The following ZNF468 variants were observed in gnomAD, a reference collection of about 807,000 sequenced individuals.
ZNF468 encodes the protein zinc finger protein 468.
A neutral mutation model predicts 7.2 loss-of-function variants in ZNF468; 8 were observed. The ratio of observed to expected loss-of-function variants is 1.11; its 90% CI spans 0.65 to 2.01. The LOEUF (loss-of-function observed/expected upper bound fraction) is 2.01. Ranked by LOEUF, ZNF468 falls within the 30% of genes most tolerant of loss-of-function variation. The pLI, the probability that ZNF468 is intolerant of heterozygous loss-of-function variation, is 0.00. For missense variants in ZNF468, 608 were observed against 626.5 expected (o/e 0.97, Z 0.31); for synonymous variants, 218 against 214.4 (o/e 1.02, Z -0.15).
rs758081536 is a variant in ZNF468 at position 52,841,158 on chromosome 19, C to T, written c.1136G>A (p.Gly379Glu). The T allele has an allele frequency of 2.5e-6, 4 of 1,613,372 alleles. No homozygotes were observed. In the South Asian group the frequency reaches 3.3e-5, roughly 13 times the overall value. ...TLARHHRLHTGEKPYKCEECD... is the reference protein window; with the variant it reads ...TLARHHRLHTEEKPYKCEECD... ...CTCTTCACATTTGTAAGGTTTCTCT[C>T]CAGTATGAAGTCTATGATGGCGTGC... The change falls in exon 4 of 4, where the codon GGA becomes GAA. Residue 379 changes from glycine to glutamate, a missense_variant. Gly to Glu is a moderately conservative substitution (Grantham distance 98). Transcript: ENST00000595646.
At chr19:52,852,772 C>T (rs567219719) in intron 2 of ZNF468, among the ~76,000 whole-genome samples, 3 of 152,096 alleles carry the variant, frequency 2.0e-5, no homozygotes, top group South Asian at 4.2e-4. Flanking sequence ...ACTCCAATGA[C>T]GTGAGTTTAC....
intron 2 of ZNF468, among the ~76,000 whole-genome samples, chr19:52,852,607 C>T (rs1222468737): frequency 6.6e-6 from 1 of 150,534 alleles, no homozygotes; most frequent in Admixed American, 6.6e-5. Context: ...ACCCAAGAGG[C>T]GGATGTTGCA....
At chr19:52,846,077 C>A (rs148873077) in intron 3 of ZNF468, among the ~76,000 whole-genome samples, 1 of 152,060 alleles carries the variant, frequency 6.6e-6, no homozygotes, top group Non-Finnish European at 1.5e-5. Flanking sequence ...TTCTTCATAA[C>A]TAAACTTTTT....
chr19:52,854,147 G>A (rs773399350), intron 2 of ZNF468, 111 bp downstream of exon 2: 10 of 1,599,324 alleles, frequency 6.3e-6, no homozygotes, highest in Non-Finnish European at 8.5e-6. Flanking sequence ...GCATAAGTGA[G>A]GGTGAGCAAA....
At chr19:52,853,057 A>G (rs1473639277) in intron 2 of ZNF468, among the ~76,000 whole-genome samples, 1 of 151,934 alleles carries the variant, frequency 6.6e-6, no homozygotes, top group Non-Finnish European at 1.5e-5. Context: ...GGGTTTCACC[A>G]TGTTAGCCAG....
In ZNF468 at chr19:52,840,742, T is replaced by C. The variant is rs1383805235; in HGVS notation, c.1552A>G (p.Ser518Gly). ...TTACACTATTAAGGCTTCTCTCCAC[T>C]ATGAAGCCTATGATGGTATACAAGG... The part of the protein sequence containing the change: ...SSLVYHHRLH[S>G]GEKP The change falls in exon 4 of 4, where the codon AGT (serine) becomes GGT (glycine). Residue 518 changes from serine (S) to glycine (G), a missense_variant. Physicochemically the swap from Ser to Gly is moderately conservative, Grantham distance 56. Transcript: ENST00000595646. 1 of 1,614,014 alleles carries C rather than the reference T, an allele frequency of 6.2e-7. No individual in the cohort carries two copies.
intron 1 of ZNF468, among the ~76,000 whole-genome samples, chr19:52,855,895 A>G (rs1258465608): frequency 6.6e-6 from 1 of 152,254 alleles, no homozygotes; most frequent in African/African-American, 2.4e-5. Flanking sequence ...TCAGAGCTGG[A>G]AACATTTTCA....
chr19:52,848,141 A>G (rs2063355462), intron 3 of ZNF468, among the ~76,000 whole-genome samples: 2 of 152,182 alleles, frequency 1.3e-5, no homozygotes, highest in African/African-American at 4.8e-5. Flanking sequence ...TGAAGGTGGA[A>G]CTTCCACTCT....
rs146755405 is a variant in ZNF468, at chr19:52,841,782, G to A, written c.512C>T (p.Ala171Val). The change falls in exon 4 of 4, where the codon GCT (alanine) becomes GTT (valine). Residue 171 changes from alanine (A) to valine (V), a missense_variant. By Grantham distance (64) the Ala-to-Val change is moderately conservative. Transcript: ENST00000595646. Reference protein sequence around the residue: ...GNQVEKSINNASSVSTSQRIC... With the variant: ...GNQVEKSINNVSSVSTSQRIC... The stretch of plus-strand genomic sequence containing the variant: ...TCTTTGGGATGTTGAAACTGAGGAA[G>A]CATTGTTGATAGACTTCTCAACTTG... 1 of 1,613,970 alleles carries A rather than the reference G, an allele frequency of 6.2e-7. No homozygotes were observed. Among genetic ancestry groups the A allele is most frequent in the African/African-American group, 1.3e-5 (1 of 74,900 alleles).
chr19:52,856,982 G>C (rs1343551874), intron 1 of ZNF468, among the ~76,000 whole-genome samples: 2 of 152,100 alleles, frequency 1.3e-5, no homozygotes, highest in African/African-American at 2.4e-5. Flanking sequence ...TTTTCCAAGT[G>C]CTGGAGCTGG....
In ZNF468 at chr19:52,841,576, C is replaced by T; in HGVS notation, c.718G>A (p.Glu240Lys). The T allele has an allele frequency of 6.2e-7, 1 of 1,614,060 alleles. No homozygotes were observed. Among genetic ancestry groups the T allele is most frequent in the Non-Finnish European group, 8.5e-7 (1 of 1,180,014 alleles). Residue 240 changes from glutamate to lysine, a missense_variant, in exon 4 of 4, where the codon GAG becomes AAG. Physicochemically the swap from Glu to Lys is moderately conservative, Grantham distance 56 (BLOSUM62 1). Transcript: ENST00000595646. ...LKKHQIIHLEEKQCKCDVCGK... is the reference protein window; with the variant it reads ...LKKHQIIHLEKKQCKCDVCGK... Reference sequence around the variant, plus strand: ...CATACATCACATTTACATTGTTTCTCTTCTAAGTGAATTATCTGATGTTTT... The same window carrying T: ...CATACATCACATTTACATTGTTTCTTTTCTAAGTGAATTATCTGATGTTTT...
chr19:52,840,517 T>G lies in ZNF468; in HGVS notation c.*208A>C. On this transcript the variant is annotated 3_prime_UTR_variant, in exon 4 of 4. Transcript: ENST00000595646. ...TGAATTTTCTTATGTGTTTTAAGGT[T>G]TGATTTACAACTGAAAACTTTTGTC... 1 of 1,052,560 alleles carries G rather than the reference T, an allele frequency of 9.5e-7. No individual in the cohort carries two copies. The highest frequency in any genetic ancestry group is 1.4e-6 in the Non-Finnish European group (1 of 699,888). 65.2% of individuals were successfully genotyped at this position (1,052,560 alleles called of 1,614,324 possible).
In ZNF468 at chr19:52,841,527, C is replaced by T. The variant is rs753279618; in HGVS notation, c.767G>A (p.Arg256Gln). ...DVCGKVFNQK[R>Q]YLACHRRCHT... is the part of the protein sequence containing the mutation. ...ACATCTACGATGGCAGGCAAGGTATCGCTTCTGATTAAAGACCTTGCCACA... is the reference window on the plus strand; with the variant it reads ...ACATCTACGATGGCAGGCAAGGTATTGCTTCTGATTAAAGACCTTGCCACA... The change falls in exon 4 of 4, where the codon CGA becomes CAA. Residue 256 changes from arginine to glutamine, a missense_variant. Physicochemically the swap from Arg to Gln is conservative, Grantham distance 43. Transcript: ENST00000595646. 1.1e-5 allele frequency: 17 copies of T among 1,613,984 alleles called. No individual in the cohort carries two copies. Among genetic ancestry groups the T allele is most frequent in the South Asian group, 6.6e-5 (6 of 91,068 alleles).
chr19:52,850,754 C>G (rs1387107387), intron 2 of ZNF468, among the ~76,000 whole-genome samples: 1 of 151,650 alleles, frequency 6.6e-6, no homozygotes, highest in African/African-American at 2.4e-5. Context: ...AAAAAATTAG[C>G]CGGGCGTGGT....
At chr19:52,847,502 G>A (rs1267814872) in intron 3 of ZNF468, among the ~76,000 whole-genome samples, 1 of 151,100 alleles carries the variant, frequency 6.6e-6, no homozygotes, top group Non-Finnish European at 1.5e-5. Flanking sequence ...TAGTGAAAGA[G>A]GGAGGCCTCT....
In ZNF468 at chr19:52,841,482, T is replaced by A; in HGVS notation, c.812A>T (p.Tyr271Phe). 6.2e-7 allele frequency: 1 copy of A among 1,614,136 alleles called. No homozygotes were observed. ...HRRCHTGEKP[Y>F]KCNECGKTFG... Reference sequence around the variant, plus strand: ...GGTCTTGCCACACTCATTACACTTGTAAGGTTTCTCACCAGTGTGACATCT... The same window carrying A: ...GGTCTTGCCACACTCATTACACTTGAAAGGTTTCTCACCAGTGTGACATCT... Residue 271 changes from tyrosine to phenylalanine, a missense_variant, in exon 4 of 4, where the codon TAC becomes TTC. Coordinates refer to ENST00000595646, the MANE Select transcript of ZNF468 (RefSeq NM_001008801.2).
chr19:52,857,271 G>A (rs906699725), intron 1 of ZNF468, among the ~76,000 whole-genome samples: 38 of 152,184 alleles, frequency 2.5e-4, no homozygotes, highest in Non-Finnish European at 4.3e-4. Flanking sequence ...ACACCTCTAG[G>A]GTGAGGACTT....
At chr19:52,852,519 C>CAA (rs558531341) in intron 2 of ZNF468, among the ~76,000 whole-genome samples, 1 of 150,942 alleles carries the variant, frequency 6.6e-6, no homozygotes, top group African/African-American at 2.4e-5. Context: ...AGTAAAAATA[C>CAA]AAAAAAAATT....
At chr19:52,847,519 T>C (rs569601122) in intron 3 of ZNF468, among the ~76,000 whole-genome samples, 61 of 151,326 alleles carry the variant, frequency 4.0e-4, no homozygotes, top group South Asian at 3.2e-3. Context: ...CTCTTTGCAG[T>C]TGAGATAAAA....
Sources: allele counts gnomAD v4.1 joint callset (sites outside exome capture counted in the v4.1 genomes callset), GRCh38; gene constraint gnomAD v4.1.1; transcripts MANE v1.5; gene names NCBI Gene and HGNC (gene_info 2026-07-23, HGNC 2026-07-21).